TRIP11: variants seen among roughly 807,000 people sequenced by gnomAD.
TRIP11 encodes the protein thyroid receptor-interacting protein 11.
Under a neutral mutation model 223.1 loss-of-function variants are expected in TRIP11, and 148 were observed. The observed-to-expected ratio is 0.66, with a 90% CI of 0.58 to 0.76. The LOEUF (loss-of-function observed/expected upper bound fraction) is 0.76, where lower values mean the gene tolerates loss of function less well. Ranked by LOEUF, TRIP11 falls within the 30% of genes least tolerant of loss-of-function variation. TRIP11 has a pLI of 0.00. For missense variants in TRIP11, 2,043 were observed against 2,222.0 expected, an observed-to-expected ratio of 0.92 and a Z score of 1.62; for synonymous variants, 762 against 772.6, an observed-to-expected ratio of 0.99 and a Z score of 0.23.
intron 16 of TRIP11, among the ~76,000 whole-genome samples, chr14:91,985,596 C>T (rs150801436): frequency 4.6e-5 from 7 of 152,300 alleles, no homozygotes; most frequent in African/African-American, 1.7e-4. Context: ...TGTTTAAATG[C>T]TGAAACTGTG....
At chr14:91,984,971 C>T (rs1174973889) in intron 16 of TRIP11, among the ~76,000 whole-genome samples, 1 of 152,200 alleles carries the variant, frequency 6.6e-6, no homozygotes, top group Non-Finnish European at 1.5e-5. Flanking sequence ...CCAACACTGT[C>T]TATTAAACTA....
At position 92,003,477 on chromosome 14, in the gene TRIP11, CACTCAA is replaced by C. The variant is rs2056854003; in HGVS notation, c.4493_4498del (p.Phe1498_Glu1499del). The stretch of plus-strand genomic sequence containing the variant: ...AAGAGCCTTCTCCTTCATTGAGTGG[CACTCAA>C]ACTCTTTTTCTCGCAGCATCATAGA... On this transcript the variant is annotated inframe_deletion, in exon 11 of 21. Transcript: ENST00000267622. The C allele has an allele frequency of 1.2e-6, 2 of 1,614,038 alleles. No individual in the cohort carries two copies. The highest frequency in any genetic ancestry group is 1.7e-6 in the Non-Finnish European group (2 of 1,180,018).
At chr14:92,027,270 G>C (rs1294658890) in intron 2 of TRIP11, among the ~76,000 whole-genome samples, 5 of 151,080 alleles carry the variant, frequency 3.3e-5, no homozygotes, top group Non-Finnish European at 7.4e-5. Context: ...CTTGTGGTGT[G>C]ACCATATTCA....
chr14:92,001,498 G>T (rs1391843353), intron 11 of TRIP11, among the ~76,000 whole-genome samples: 1 of 151,188 alleles, frequency 6.6e-6, no homozygotes, highest in African/African-American at 2.4e-5. Flanking sequence ...TTATATTCAA[G>T]ATATAATCTA....
At chr14:92,021,492 T>C (rs2057114044) in intron 4 of TRIP11, 64 bp downstream of exon 4, 2 of 1,548,868 alleles carry the variant, frequency 1.3e-6, no homozygotes, top group South Asian at 2.3e-5. Flanking sequence ...CTACATACAG[T>C]TTTTTATATT....
Position 91,994,502 on chromosome 14 carries a change from C to T in TRIP11, c.5057-590G>A, listed in dbSNP as rs536042750. ...CAGGTGATCTGCCCGCCTTGGCCTC[C>T]CAAAGTGCTGGGATTACAGGCATGA... On this transcript the variant is annotated intron_variant, in intron 14 of 20. Coordinates refer to ENST00000267622, the MANE Select transcript of TRIP11 (RefSeq NM_004239.4). Among the ~76,000 whole-genome samples, 6 of 152,212 alleles carry T rather than the reference C, an allele frequency of 3.9e-5. No individual in the cohort carries two copies. The East Asian group carries it at 7.7e-4, about 20-fold the overall frequency.
Position 91,969,183 on chromosome 14 carries a change from G to A in TRIP11, c.*490C>T, listed in dbSNP as rs1174691511. 8.1e-6 allele frequency: 2 copies of A among 247,188 alleles called. No individual in the cohort carries two copies. Among genetic ancestry groups the A allele is most frequent in the Middle Eastern group, 1.2e-3 (1 of 806 alleles). 15.3% of individuals were successfully genotyped at this position (247,188 alleles called of 1,614,324 possible). On this transcript the variant is annotated 3_prime_UTR_variant, in exon 21 of 21. Transcript: ENST00000267622. ...CCTATGACCTTCCAGCAACAATCTTGTTGGCCTGTCTCCACAAAGTCCTCT... is the reference window on the plus strand; with the variant it reads ...CCTATGACCTTCCAGCAACAATCTTATTGGCCTGTCTCCACAAAGTCCTCT...
chr14:91,999,175 A>G (rs923460069), intron 13 of TRIP11, 65 bp downstream of exon 13: 8 of 1,535,640 alleles, frequency 5.2e-6, no homozygotes, highest in Non-Finnish European at 6.2e-6. Context: ...TACAAAAAAT[A>G]CTTACTGAGT....
chr14:91,997,163 T>C (rs1433201339), intron 13 of TRIP11, among the ~76,000 whole-genome samples: 3 of 152,122 alleles, frequency 2.0e-5, no homozygotes, highest in Admixed American at 1.3e-4. Context: ...TGGGTGATTG[T>C]AGGAATGAAA....
intron 3 of TRIP11, among the ~76,000 whole-genome samples, chr14:92,023,264 T>C (rs1056018721): frequency 6.6e-6 from 1 of 152,174 alleles, no homozygotes; most frequent in Non-Finnish European, 1.5e-5. Context: ...ACAGGTTGAG[T>C]ATCCTTATCC....
intron 2 of TRIP11, among the ~76,000 whole-genome samples, chr14:92,031,741 T>A (rs1424525483): frequency 1.3e-5 from 2 of 152,246 alleles, no homozygotes; most frequent in African/African-American, 4.8e-5. Context: ...TTGCTTATTT[T>A]GAGTCTTTAT....
intron 10 of TRIP11, 39 bp downstream of exon 10, chr14:92,007,598 TTAG>T (rs763623100): frequency 2.5e-6 from 4 of 1,590,684 alleles, no homozygotes; most frequent in Non-Finnish European, 3.4e-6. Flanking sequence ...TTTAGTTTAC[TTAG>T]TAGAATGTGC....
Position 92,006,281 on chromosome 14 carries a change from A to C in TRIP11, c.1695T>G (p.Ile565Met), listed in dbSNP as rs1390501617. 6.2e-7 allele frequency: 1 copy of C among 1,610,556 alleles called. No individual in the cohort carries two copies. Among genetic ancestry groups the C allele is most frequent in the Admixed American group, 1.7e-5 (1 of 59,590 alleles). Residue 565 changes from isoleucine (I) to methionine (M), a missense_variant, in exon 11 of 21, where the codon ATT becomes ATG. Transcript: ENST00000267622. Reference protein sequence around the residue: ...KELDVQKEKLIQSEVALNDLH... With the variant: ...KELDVQKEKLMQSEVALNDLH... ...AATCATTTAGGGCCACTTCACTTTGAATTAGCTTTTCTTTCTGTACATCTA... is the reference window on the plus strand; with the variant it reads ...AATCATTTAGGGCCACTTCACTTTGCATTAGCTTTTCTTTCTGTACATCTA...
Position 92,006,024 on chromosome 14 carries a change from A to G in TRIP11, c.1952T>C (p.Val651Ala), listed in dbSNP as rs35991093. ...DTLLKEREAEVRNLKQNLSEL... is the reference protein window; with the variant it reads ...DTLLKEREAEARNLKQNLSEL... Reference sequence around the variant, plus strand: ...TGAAAGATTTTGCTTTAAGTTTCTAACTTCAGCTTCTCTTTCTTTAAGTAA... The same window carrying G: ...TGAAAGATTTTGCTTTAAGTTTCTAGCTTCAGCTTCTCTTTCTTTAAGTAA... Residue 651 changes from valine (V) to alanine (A), a missense_variant, in exon 11 of 21, where the codon GTT (valine) becomes GCT (alanine). Coordinates refer to ENST00000267622, the MANE Select transcript of TRIP11 (RefSeq NM_004239.4). 1.2e-4 allele frequency: 191 copies of G among 1,586,628 alleles called. 1 individual carries two copies. In the African/African-American group the frequency reaches 2.3e-3, roughly 19 times the overall value.
At chr14:91,996,983 C>A (rs1458645089) in intron 13 of TRIP11, among the ~76,000 whole-genome samples, 1 of 152,132 alleles carries the variant, frequency 6.6e-6, no homozygotes, top group African/African-American at 2.4e-5. Context: ...CGGTTAAATT[C>A]TTATTCAAGA....
chr14:92,011,631 C>A, intron 8 of TRIP11, 124 bp downstream of exon 8: 4 of 751,480 alleles, frequency 5.3e-6, no homozygotes, highest in Non-Finnish European at 6.4e-6. Flanking sequence ...AAAATAACTT[C>A]TAATTATTAG....
At chr14:91,976,626 A>G (rs987555183) in intron 16 of TRIP11, among the ~76,000 whole-genome samples, 1 of 152,146 alleles carries the variant, frequency 6.6e-6, no homozygotes, top group Admixed American at 6.5e-5. Context: ...TGAGCTGACT[A>G]AGAAGCGTAT....
chr14:92,010,862 G>C, intron 9 of TRIP11, 124 bp downstream of exon 9: 1 of 921,762 alleles, frequency 1.1e-6, no homozygotes, highest in East Asian at 2.5e-5. Context: ...GCATCAGTGA[G>C]ATCAGCTTTA....
At chr14:91,975,339 C>G in intron 17 of TRIP11, 53 bp from the exon 18 acceptor site, 2 of 1,132,676 alleles carry the variant, frequency 1.8e-6, no homozygotes, top group Non-Finnish European at 2.7e-6. Flanking sequence ...TAAGTACACT[C>G]AAACACTAAG....
Sources: allele counts gnomAD v4.1 joint callset (sites outside exome capture counted in the v4.1 genomes callset), GRCh38; gene constraint gnomAD v4.1.1; transcripts MANE v1.5; gene names NCBI Gene and HGNC (gene_info 2026-07-23, HGNC 2026-07-21).